UBP1: variants seen among roughly 807,000 people sequenced by gnomAD.
UBP1 encodes the protein upstream-binding protein 1.
In UBP1, 22 loss-of-function variants were observed where a neutral mutation model predicts 76.1. That is an observed-to-expected ratio of 0.29 (90% CI 0.21 to 0.41). The LOEUF (loss-of-function observed/expected upper bound fraction) is 0.41, where lower values mean the gene tolerates loss of function less well. Among genes scored for constraint, UBP1 ranks in the 10% least tolerant of loss-of-function variants. The pLI, the probability that UBP1 is intolerant of heterozygous loss-of-function variation, is 1.00. For synonymous variants in UBP1, 224 were observed against 237.1 expected, an observed-to-expected ratio of 0.94 and a Z score of 0.51; for missense variants, 436 against 668.1, an observed-to-expected ratio of 0.65 and a Z score of 3.83.
intron 8 of UBP1, among the ~76,000 whole-genome samples, chr3:33,406,297 C>G (rs978888863): frequency 6.6e-6 from 1 of 152,136 alleles, no homozygotes; most frequent in Non-Finnish European, 1.5e-5. Flanking sequence ...TTCCACCTTA[C>G]AAAGTATCAC....
intron 12 of UBP1, 42 bp from the exon 13 acceptor site, chr3:33,396,322 C>G: frequency 1.4e-6 from 2 of 1,439,084 alleles, no homozygotes; most frequent in Non-Finnish European, 1.9e-6. Context: ...GGAGAGAAAG[C>G]TGCCTTACAC....
intron 1 of UBP1, 41 bp downstream of exon 1, chr3:33,439,695 C>G (rs1235537469): frequency 4.4e-6 from 7 of 1,602,294 alleles, no homozygotes; most frequent in Non-Finnish European, 5.1e-6. Context: ...AGGCCTTCCC[C>G]AAGGAGACAG....
rs750526035 is a variant in UBP1 at position 33,409,247 on chromosome 3, T to G, written c.808A>C (p.Ile270Leu). 1 of 1,613,886 alleles carries G rather than the reference T, an allele frequency of 6.2e-7. No homozygotes were observed. The highest frequency in any genetic ancestry group is 1.1e-5 in the South Asian group (1 of 91,078). ...CTTTACTACATTACCTCTGTGAGGA[T>G]TGTGGTATCATAGGACGGCTGATAC... ...EKYQPSYDTT[I>L]LTEMRLEPII... Residue 270 changes from isoleucine (I) to leucine (L), a missense_variant, in exon 7 of 16, where the codon ATC (isoleucine) becomes CTC (leucine). Around this residue, in one of 3 missense-constraint regions of UBP1, gnomAD observed 65 missense variants for 157.4 expected, o/e 0.41. Transcript: ENST00000283629.
At chr3:33,400,156 C>A in intron 11 of UBP1, 33 bp downstream of exon 11, 1 of 1,366,728 alleles carries the variant, frequency 7.3e-7, no homozygotes, top group South Asian at 1.6e-5. Flanking sequence ...ACAAAACATT[C>A]TCATGCACAG....
Position 33,435,397 on chromosome 3 carries a change from C to T in UBP1, c.113+4339G>A, listed in dbSNP as rs183358147. 2.7e-3 allele frequency among the ~76,000 whole-genome samples: 411 copies of T among 152,278 alleles called. 1 individual carries two copies. The highest frequency in any genetic ancestry group is 2.8e-3 in the Non-Finnish European group (190 of 68,028). On this transcript the variant is annotated intron_variant, in intron 1 of 15. Transcript: ENST00000283629. ...CGACATATAATAAAGTCCCAATCAACCCATTGTAAGTTGAAAATATAAATC... is the reference window on the plus strand; with the variant it reads ...CGACATATAATAAAGTCCCAATCAATCCATTGTAAGTTGAAAATATAAATC...
At chr3:33,393,082 C>G in intron 14 of UBP1, 1 of 457,550 alleles carries the variant, frequency 2.2e-6, no homozygotes, top group Non-Finnish European at 3.7e-6. Context: ...TGGCTGCATC[C>G]TAAAGGGCTG....
At chr3:33,407,471 A>T (rs2044457740) in intron 8 of UBP1, among the ~76,000 whole-genome samples, 1 of 152,120 alleles carries the variant, frequency 6.6e-6, no homozygotes, top group Admixed American at 6.5e-5. Flanking sequence ...AGAAGAGGAT[A>T]AAAACAAAAT....
At chr3:33,432,285 C>G (rs773092694) in intron 1 of UBP1, among the ~76,000 whole-genome samples, 6 of 152,198 alleles carry the variant, frequency 3.9e-5, no homozygotes, top group Non-Finnish European at 5.9e-5. Flanking sequence ...GATTGCACCA[C>G]TGCACTTCAG....
At chr3:33,430,328 A>G (rs1410952338) in intron 1 of UBP1, among the ~76,000 whole-genome samples, 1 of 152,180 alleles carries the variant, frequency 6.6e-6, no homozygotes, top group Non-Finnish European at 1.5e-5. Flanking sequence ...GAACAACTAG[A>G]TGCTCAGGGT....
At chr3:33,418,378 C>G (rs1223718964) in intron 2 of UBP1, among the ~76,000 whole-genome samples, 3 of 152,032 alleles carry the variant, frequency 2.0e-5, no homozygotes, top group Non-Finnish European at 4.4e-5. Flanking sequence ...CCTTGGACTC[C>G]TGAGTACCTG....
chr3:33,427,228 G>C (rs534944219), intron 1 of UBP1, among the ~76,000 whole-genome samples: 13 of 152,212 alleles, frequency 8.5e-5, no homozygotes, highest in Non-Finnish European at 1.6e-4. Context: ...GCCTCCCAAA[G>C]TGCTGGGATT....
chr3:33,439,650 G>A (rs1160550604), intron 1 of UBP1, 86 bp downstream of exon 1: 4 of 1,457,190 alleles, frequency 2.7e-6, no homozygotes, highest in East Asian at 5.0e-5. Context: ...GCACCTCTGG[G>A]AGCAGCCGCA....
intron 13 of UBP1, among the ~76,000 whole-genome samples, chr3:33,394,400 A>ATTT (rs2043886322): frequency 6.6e-6 from 1 of 152,114 alleles, no homozygotes; most frequent in African/African-American, 2.4e-5. Context: ...ATCCTAAGGA[A>ATTT]TAAAAGCTAT....
At chr3:33,430,371 C>CA (rs2154059654) in intron 1 of UBP1, among the ~76,000 whole-genome samples, 1 of 152,286 alleles carries the variant, frequency 6.6e-6, no homozygotes, top group Non-Finnish European at 1.5e-5. Context: ...TTAGCTTCTC[C>CA]AGCCTGGTCC....
At chr3:33,437,879 C>T (rs1215209106) in intron 1 of UBP1, among the ~76,000 whole-genome samples, 1 of 152,078 alleles carries the variant, frequency 6.6e-6, no homozygotes, top group Non-Finnish European at 1.5e-5. Context: ...AACAAAGGGC[C>T]TTGAATTTGC....
intron 11 of UBP1, among the ~76,000 whole-genome samples, chr3:33,398,681 G>T (rs1305130309): frequency 6.6e-6 from 1 of 152,178 alleles, no homozygotes; most frequent in East Asian, 1.9e-4. Context: ...AAAGGCAGAA[G>T]GCCACGCCAT....
rs1404858371 is a variant in UBP1, at chr3:33,440,016, G to A, written c.-168C>T. 7 of 599,720 alleles carry A rather than the reference G, an allele frequency of 1.2e-5. No individual in the cohort carries two copies. The highest frequency in any genetic ancestry group is 1.9e-5 in the Non-Finnish European group (7 of 369,954). 37.1% of individuals were successfully genotyped at this position (599,720 alleles called of 1,614,324 possible). A position where few individuals can be genotyped will look rare whatever the true frequency, so the allele number is the denominator to read the frequency against. ...AGAGCTGCGGGGGCCCCACTGGCAGGGCACGACGAGCCCAGCGAGCAATTG... is the reference window on the plus strand; with the variant it reads ...AGAGCTGCGGGGGCCCCACTGGCAGAGCACGACGAGCCCAGCGAGCAATTG... On this transcript the variant is annotated 5_prime_UTR_variant, in exon 1 of 16. Transcript: ENST00000283629.
intron 3 of UBP1, among the ~76,000 whole-genome samples, chr3:33,413,520 C>T (rs9864266): frequency 0.011 from 1,459 of 136,330 alleles, 23 homozygotes; most frequent in African/African-American, 0.039. Context: ...GCACTCCAGC[C>T]TAGGTGACAG....
At chr3:33,391,562 A>G (rs767928330) in intron 15 of UBP1, 1 of 152,198 alleles carries the variant, frequency 6.6e-6, no homozygotes, top group Non-Finnish European at 1.5e-5. Flanking sequence ...CTACATATCC[A>G]AAATCAAACT....
Sources: allele counts gnomAD v4.1 joint callset (sites outside exome capture counted in the v4.1 genomes callset), GRCh38; gene constraint gnomAD v4.1.1; regional missense constraint gnomAD v4.1.1; transcripts MANE v1.5; gene names NCBI Gene and HGNC (gene_info 2026-07-23, HGNC 2026-07-21).